ANKS1A: variants seen among roughly 807,000 people sequenced by gnomAD.
ANKS1A encodes the protein ankyrin repeat and SAM domain-containing protein 1A.
Under a neutral mutation model 120.3 loss-of-function variants are expected in ANKS1A, and 55 were observed. The ratio of observed to expected loss-of-function variants is 0.46; its 90% CI spans 0.37 to 0.57. The LOEUF (loss-of-function observed/expected upper bound fraction) is 0.57, where lower values mean the gene tolerates loss of function less well. Among genes scored for constraint, ANKS1A ranks in the 20% least tolerant of loss-of-function variants. The pLI, the probability that ANKS1A is intolerant of heterozygous loss-of-function variation, is 0.00. For missense variants in ANKS1A, 1,123 were observed against 1,480.3 expected, an observed-to-expected ratio of 0.76 and a Z score of 3.96; for synonymous variants, 590 against 604.7, an observed-to-expected ratio of 0.98 and a Z score of 0.36.
intron 10 of ANKS1A, among the ~76,000 whole-genome samples, chr6:35,010,621 G>A (rs1441062170): frequency 6.6e-6 from 1 of 152,146 alleles, no homozygotes; most frequent in Non-Finnish European, 1.5e-5. Context: ...AGGAAGGAAG[G>A]GGAGAGTGAG....
chr6:34,910,469 G>T (rs985729635), intron 1 of ANKS1A, among the ~76,000 whole-genome samples: 4 of 152,188 alleles, frequency 2.6e-5, no homozygotes, highest in Non-Finnish European at 4.4e-5. Context: ...ACTGAGGTGG[G>T]AGGATCACTT....
At chr6:34,911,757 C>T (rs1025312817) in intron 1 of ANKS1A, among the ~76,000 whole-genome samples, 1 of 152,172 alleles carries the variant, frequency 6.6e-6, no homozygotes, top group Non-Finnish European at 1.5e-5. Flanking sequence ...CTCCCGATTT[C>T]CTGTTACTAT....
intron 1 of ANKS1A, among the ~76,000 whole-genome samples, chr6:34,950,584 C>T (rs1159658853): frequency 2.0e-5 from 3 of 152,034 alleles, no homozygotes; most frequent in Non-Finnish European, 4.4e-5. Context: ...CGGCTTAACT[C>T]CAAATATGAC....
At chr6:34,952,197 A>C (rs1390426636) in intron 1 of ANKS1A, among the ~76,000 whole-genome samples, 1 of 152,178 alleles carries the variant, frequency 6.6e-6, no homozygotes, top group East Asian at 1.9e-4. Flanking sequence ...TATGAGAAGG[A>C]AATAGTGGGT....
At chr6:34,915,240 C>G (rs533909765) in intron 1 of ANKS1A, among the ~76,000 whole-genome samples, 1 of 152,184 alleles carries the variant, frequency 6.6e-6, no homozygotes, top group South Asian at 2.1e-4. Context: ...GCCCCTAGGT[C>G]AGTGCCATGG....
At chr6:35,030,871 A>G (rs1774875387) in intron 11 of ANKS1A, among the ~76,000 whole-genome samples, 1 of 152,188 alleles carries the variant, frequency 6.6e-6, no homozygotes. Flanking sequence ...GCTTATTTTC[A>G]AACTGCTTTT....
intron 1 of ANKS1A, among the ~76,000 whole-genome samples, chr6:34,908,984 T>C (rs1020070678): frequency 1.3e-5 from 2 of 152,216 alleles, no homozygotes; most frequent in African/African-American, 4.8e-5. Context: ...ATATTAAATG[T>C]ACAGACCAAT....
At chr6:34,897,928 A>G (rs1198266182) in intron 1 of ANKS1A, among the ~76,000 whole-genome samples, 1 of 152,226 alleles carries the variant, frequency 6.6e-6, no homozygotes, top group African/African-American at 2.4e-5. Flanking sequence ...GCTAAGGATC[A>G]GGTTCTGACC....
rs530277011 is a variant in ANKS1A, at chr6:35,082,090, C to T, written c.2710-601C>T. ...TCTGCGCACTGCTGGGAAGGGAGGG[C>T]CTCCGTGTTTCCTGAATCTTTTCCT... On this transcript the variant is annotated intron_variant, in intron 17 of 23. Transcript: ENST00000360359. The surrounding 1 kb of genome is among the most constrained non-coding windows in gnomAD (Gnocchi z 4.1). 2.5e-4 allele frequency among the ~76,000 whole-genome samples: 38 copies of T among 152,268 alleles called. No homozygotes were observed. The highest frequency in any genetic ancestry group is 4.9e-4 in the Non-Finnish European group (33 of 68,002).
rs139802336 is a variant in ANKS1A, at chr6:34,994,702, C to T, written c.1423+280C>T. ...GTGGGAGGAGAGACCACCAGCCCCA[C>T]GGCAGAGATTGATTTGGGGTCTCAA... On this transcript the variant is annotated intron_variant, in intron 10 of 23. Transcript: ENST00000360359. 1.9e-3 allele frequency among the ~76,000 whole-genome samples: 294 copies of T among 152,260 alleles called. 1 individual carries two copies. Among genetic ancestry groups the T allele is most frequent in the African/African-American group, 6.4e-3 (266 of 41,544 alleles).
intron 13 of ANKS1A, among the ~76,000 whole-genome samples, chr6:35,064,726 C>T (rs1242141599): frequency 6.6e-6 from 1 of 152,194 alleles, no homozygotes; most frequent in African/African-American, 2.4e-5. Flanking sequence ...CCACTGCCAG[C>T]CTAAGCGAGC....
rs1388408281 is a variant in ANKS1A, at chr6:35,082,598, G to C, written c.2710-93G>C. The stretch of plus-strand genomic sequence containing the variant: ...ACCCTTGAACTTGCTAAGGTCACTG[G>C]CATCTTCACCCTTGAGTGTGCTGGA... On this transcript the variant is annotated intron_variant, in intron 17 of 23. Transcript: ENST00000360359. This position sits in a 1 kb window ranked among gnomAD's most constrained non-coding sequence, Gnocchi z 4.1. The C allele has an allele frequency of 6.8e-7, 1 of 1,471,418 alleles. No individual in the cohort carries two copies. The highest frequency in any genetic ancestry group is 2.4e-5 in the East Asian group (1 of 41,174). The allele number at this position is 1,471,418 out of a possible 1,614,324, so 91.1% of individuals were successfully genotyped here. A position where few individuals can be genotyped will look rare whatever the true frequency, so the allele number is the denominator to read the frequency against.
intron 20 of ANKS1A, among the ~76,000 whole-genome samples, 164 bp from the exon 21 acceptor site, chr6:35,083,957 G>A (rs746205954): frequency 6.6e-5 from 10 of 152,074 alleles, no homozygotes; most frequent in Non-Finnish European, 1.2e-4. Flanking sequence ...AACCAAAATC[G>A]GGGACCCCCA....
At chr6:34,977,538 G>C (rs1771666793) in intron 3 of ANKS1A, among the ~76,000 whole-genome samples, 1 of 151,794 alleles carries the variant, frequency 6.6e-6, no homozygotes, top group African/African-American at 2.4e-5. Context: ...TTATTTGCTT[G>C]TTTTCCCTAA....
At chr6:35,022,659 G>A (rs1487246574) in intron 11 of ANKS1A, among the ~76,000 whole-genome samples, 2 of 152,076 alleles carry the variant, frequency 1.3e-5, no homozygotes, top group East Asian at 3.8e-4. Context: ...TGATGCTTGG[G>A]ACATAATAGA....
rs1193736009 is a variant in ANKS1A at position 35,090,891 on chromosome 6, G to A, written c.*2282G>A. 9 of 985,720 alleles carry A rather than the reference G, an allele frequency of 9.1e-6. No homozygotes were observed. The highest frequency in any genetic ancestry group is 1.7e-5 in the African/African-American group (1 of 57,384). The allele number at this position is 985,720 out of a possible 1,614,324, so 61.1% of individuals were successfully genotyped here. ...CTCCCCTGCCCACCAGCTGCTCAGC[G>A]CATAAGACCTTCCCGACAGGCTCTG... is the stretch of plus-strand genomic sequence containing the variant. On this transcript the variant is annotated 3_prime_UTR_variant, in exon 24 of 24. Transcript: ENST00000360359.
chr6:35,092,985 GCCACCCCTGACTT>G (rs1218952421), downstream of ANKS1A, among the ~76,000 whole-genome samples: 1 of 151,874 alleles, frequency 6.6e-6, no homozygotes, highest in African/African-American at 2.4e-5. Flanking sequence ...GTCAGCCATG[GCCACCCCTGACTT>G]CCTGAACCCA....
chr6:35,043,610 C>G (rs1360576070), intron 11 of ANKS1A, among the ~76,000 whole-genome samples: 1 of 152,276 alleles, frequency 6.6e-6, no homozygotes. Flanking sequence ...CCAGTAGAAG[C>G]CTCTTACATG....
intron 1 of ANKS1A, among the ~76,000 whole-genome samples, chr6:34,943,748 T>C (rs952006982): frequency 7.2e-5 from 11 of 152,246 alleles, no homozygotes; most frequent in Non-Finnish European, 8.8e-5. Context: ...GAAGTCTTTT[T>C]ATAGCTTTGA....
Sources: gnomAD v4.1 joint callset for allele counts (sites outside exome capture counted in the v4.1 genomes callset) on GRCh38, gnomAD v4.1.1 for gene constraint, Gnocchi (gnomAD v3.1) non-coding constraint, MANE v1.5 for transcripts, NCBI Gene and HGNC (gene_info 2026-07-23, HGNC 2026-07-21) for gene names.